SAMD5: variants seen among roughly 807,000 people sequenced by gnomAD.
SAMD5 encodes the protein sterile alpha motif domain containing 5.
SAMD5 carries 13 observed loss-of-function variants against 11.3 expected under a neutral mutation model. That is an observed-to-expected ratio of 1.15 (90% CI 0.75 to 1.83). SAMD5 has a LOEUF of 1.83. SAMD5 is among the 40% of genes most tolerant of loss of function. The pLI, the probability that SAMD5 is intolerant of heterozygous loss-of-function variation, is 0.00. For synonymous variants in SAMD5, 129 were observed against 111.3 expected (o/e 1.16, Z -1.00); for missense variants, 255 against 239.1 (o/e 1.07, Z -0.44).
chr6:147,700,237 C>G (rs1791233984), intron 1 of SAMD5, among the ~76,000 whole-genome samples: 1 of 152,170 alleles, frequency 6.6e-6, no homozygotes, highest in Non-Finnish European at 1.5e-5. Flanking sequence ...TTTCAAACCA[C>G]ACCTCTGCTC....
chr6:147,666,096 G>A (rs1225031485), intron 1 of SAMD5, among the ~76,000 whole-genome samples: 1 of 152,084 alleles, frequency 6.6e-6, no homozygotes, highest in Non-Finnish European at 1.5e-5. Context: ...CCGCCAACAT[G>A]CCTGGCTAAT....
intron 1 of SAMD5, among the ~76,000 whole-genome samples, chr6:147,526,485 A>G (rs1238911124): frequency 6.6e-6 from 1 of 152,230 alleles, no homozygotes; most frequent in African/African-American, 2.4e-5. Context: ...ATGAATGCCA[A>G]AATGAAATAC....
At chr6:147,581,238 G>A (rs1236092930) in intron 1 of SAMD5, among the ~76,000 whole-genome samples, 17 of 152,188 alleles carry the variant, frequency 1.1e-4, no homozygotes. Flanking sequence ...TCATGTGCAA[G>A]AGAAAGAATA....
At chr6:147,642,423 G>T (rs1790326732) in intron 1 of SAMD5, among the ~76,000 whole-genome samples, 1 of 152,066 alleles carries the variant, frequency 6.6e-6, no homozygotes, top group Admixed American at 6.6e-5. Flanking sequence ...TGATCCCAGA[G>T]GTCTCACAAA....
At chr6:147,529,809 A>G (rs1278305889) in intron 1 of SAMD5, among the ~76,000 whole-genome samples, 1 of 152,226 alleles carries the variant, frequency 6.6e-6, no homozygotes, top group African/African-American at 2.4e-5. Flanking sequence ...TTGGGCACTT[A>G]CAAATATTTT....
intron 1 of SAMD5, among the ~76,000 whole-genome samples, chr6:147,689,068 T>A (rs189542263): frequency 3.9e-5 from 6 of 152,312 alleles, no homozygotes; most frequent in Admixed American, 3.3e-4. Context: ...GATGTTTTCC[T>A]GGTTTGGTTT....
chr6:147,648,453 G>C (rs778370113), intron 1 of SAMD5, among the ~76,000 whole-genome samples: 1 of 152,164 alleles, frequency 6.6e-6, no homozygotes, highest in Non-Finnish European at 1.5e-5. Flanking sequence ...TTCAAGCTGA[G>C]ACGTTGGGTG....
Position 147,508,920 on chromosome 6 carries a change from G to A in SAMD5, c.-9G>A, listed in dbSNP as rs766565621. 2.5e-6 allele frequency: 4 copies of A among 1,586,388 alleles called. No homozygotes were observed. Among genetic ancestry groups the A allele is most frequent in the Non-Finnish European group, 3.4e-6 (4 of 1,167,486 alleles). On this transcript the variant is annotated 5_prime_UTR_variant, in exon 1 of 2. Coordinates refer to ENST00000367474, the MANE Select transcript of SAMD5 (RefSeq NM_001030060.3). The stretch of plus-strand genomic sequence containing the variant: ...GAAGGTGCTCGGCGGCGGGGTTCCC[G>A]GTCCCACCATGTGCACCAACATAGT...
At chr6:147,709,625 C>T (rs972782854) in intron 1 of SAMD5, among the ~76,000 whole-genome samples, 6 of 152,126 alleles carry the variant, frequency 3.9e-5, no homozygotes, top group African/African-American at 1.2e-4. Context: ...GCTTAAATAC[C>T]ATGAGTCACA....
chr6:147,896,746 A>AC, the SAMD5 span, among the ~76,000 whole-genome samples: 16 of 143,436 alleles, frequency 1.1e-4, 1 homozygote, highest in African/African-American at 4.4e-4. Flanking sequence ...ACCAAAAAAA[A>AC]AAAAAAAAAA....
At chr6:147,923,997 A>C in the SAMD5 span, among the ~76,000 whole-genome samples, 10 of 152,302 alleles carry the variant, frequency 6.6e-5, no homozygotes, top group East Asian at 1.9e-3. Context: ...TAAAACAGAG[A>C]TGCAGAAGAG....
the SAMD5 span, among the ~76,000 whole-genome samples, chr6:147,861,228 G>A: frequency 3.3e-5 from 5 of 151,582 alleles, no homozygotes; most frequent in East Asian, 3.9e-4. Flanking sequence ...GCAATGGCGC[G>A]ATCTTGGTTC....
At chr6:147,706,985 T>TA (rs780229760) in intron 1 of SAMD5, among the ~76,000 whole-genome samples, 53 of 152,200 alleles carry the variant, frequency 3.5e-4, no homozygotes, top group Non-Finnish European at 6.3e-4. Context: ...CAAATTAACT[T>TA]ACGGTGTAAA....
chr6:147,792,238 A>G, the SAMD5 span, among the ~76,000 whole-genome samples: 1 of 152,212 alleles, frequency 6.6e-6, no homozygotes, highest in East Asian at 1.9e-4. Context: ...AAGTAACTGT[A>G]CATAAGCATA....
chr6:147,766,870 G>A, the SAMD5 span, among the ~76,000 whole-genome samples: 2 of 152,164 alleles, frequency 1.3e-5, no homozygotes, highest in African/African-American at 2.4e-5. Context: ...TATTATATAC[G>A]AGATTTGCAA....
chr6:147,815,900 G>C, the SAMD5 span, among the ~76,000 whole-genome samples: 1 of 151,996 alleles, frequency 6.6e-6, no homozygotes, highest in Non-Finnish European at 1.5e-5. Context: ...GAGTATACTT[G>C]ATAGTGGATT....
At chr6:147,794,874 T>TTGA in the SAMD5 span, among the ~76,000 whole-genome samples, 12 of 152,238 alleles carry the variant, frequency 7.9e-5, no homozygotes, top group Middle Eastern at 3.4e-3. Flanking sequence ...ACCGAAAGCT[T>TTGA]TGACGGCGGT....
At chr6:147,811,681 C>T in the SAMD5 span, among the ~76,000 whole-genome samples, 1 of 151,870 alleles carries the variant, frequency 6.6e-6, no homozygotes, top group African/African-American at 2.4e-5. Flanking sequence ...ATTGACTGAT[C>T]CAGTGAAGGT....
At chr6:147,918,496 G>T in the SAMD5 span, among the ~76,000 whole-genome samples, 1 of 151,916 alleles carries the variant, frequency 6.6e-6, no homozygotes, top group South Asian at 2.1e-4. Context: ...TTCTGGCCAG[G>T]GCAATCAGGC....
Sources: gnomAD v4.1 joint callset for allele counts (sites outside exome capture counted in the v4.1 genomes callset) on GRCh38, gnomAD v4.1.1 for gene constraint, MANE v1.5 for transcripts, NCBI Gene and HGNC (gene_info 2026-07-23, HGNC 2026-07-21) for gene names.